TULP3: variants seen among roughly 807,000 people sequenced by gnomAD.
The protein encoded by TULP3 is tubby-related protein 3.
TULP3 carries 38 observed loss-of-function variants against 50.7 expected under a neutral mutation model. The observed-to-expected ratio is 0.75, with a 90% CI of 0.58 to 0.98. TULP3 has a LOEUF of 0.98. Ranked by LOEUF, TULP3 falls within the 50% of genes least tolerant of loss-of-function variation. TULP3 has a pLI of 0.00. For missense variants in TULP3, 550 were observed against 568.0 expected (o/e 0.97, Z 0.32); for synonymous variants, 183 against 196.6 (o/e 0.93, Z 0.58).
At chr12:2,917,226 C>T (rs2098189125) in intron 2 of TULP3, among the ~76,000 whole-genome samples, 1 of 152,106 alleles carries the variant, frequency 6.6e-6, no homozygotes, top group Non-Finnish European at 1.5e-5. Flanking sequence ...AATTAGAAGG[C>T]TTATTGGTGA....
At chr12:2,911,237 CAT>C (rs748318524) in intron 2 of TULP3, among the ~76,000 whole-genome samples, 2 of 151,970 alleles carry the variant, frequency 1.3e-5, no homozygotes, top group Non-Finnish European at 2.9e-5. Context: ...GTAATAAAAA[CAT>C]AAGAATTCAA....
At chr12:2,928,204 T>G (rs2098195730) in intron 4 of TULP3, among the ~76,000 whole-genome samples, 1 of 152,236 alleles carries the variant, frequency 6.6e-6, no homozygotes, top group South Asian at 2.1e-4. Flanking sequence ...CAAACATTCC[T>G]AGTTAGATTT....
chr12:2,892,398 A>G (rs943078235), intron 1 of TULP3, among the ~76,000 whole-genome samples: 1 of 152,126 alleles, frequency 6.6e-6, no homozygotes, highest in African/African-American at 2.4e-5. Context: ...TTTTAATTCC[A>G]TGAATTTAAA....
intron 1 of TULP3, among the ~76,000 whole-genome samples, chr12:2,900,914 T>C (rs1266856251): frequency 6.7e-6 from 1 of 149,104 alleles, no homozygotes; most frequent in Non-Finnish European, 1.5e-5. Flanking sequence ...GGTTTCACCA[T>C]GTTGCCCAGG....
In TULP3 at chr12:2,933,544, T is replaced by C; in HGVS notation, c.809+14T>C. 6.6e-7 allele frequency: 1 copy of C among 1,505,492 alleles called. No individual in the cohort carries two copies. The highest frequency in any genetic ancestry group is 9.2e-7 in the Non-Finnish European group (1 of 1,081,768). 93.3% of individuals were successfully genotyped at this position (1,505,492 alleles called of 1,614,324 possible). A position where few individuals can be genotyped will look rare whatever the true frequency, so the allele number is the denominator to read the frequency against. On this transcript the variant is annotated intron_variant, in intron 7 of 10. Coordinates refer to ENST00000448120, the MANE Select transcript of TULP3 (RefSeq NM_003324.5). The stretch of plus-strand genomic sequence containing the variant: ...CGGCAAGCTTAGGTGAAAGCAACCT[T>C]AGATCACTGTCCTATTCTTTCTGAT...
Position 2,936,860 on chromosome 12 carries a change from C to G in TULP3, c.925-771C>G, listed in dbSNP as rs139985673. ...CAGTGGCTCACGCCTGTAATCCCAG[C>G]ACTTTGGGAGGCTGAGGCAGGCAGA... is the stretch of plus-strand genomic sequence containing the variant. On this transcript the variant is annotated intron_variant, in intron 8 of 10. Coordinates refer to ENST00000448120, the MANE Select transcript of TULP3 (RefSeq NM_003324.5). 2.7e-3 allele frequency among the ~76,000 whole-genome samples: 411 copies of G among 152,144 alleles called. 2 individuals are homozygous for G. The highest frequency in any genetic ancestry group is 8.8e-3 in the African/African-American group (365 of 41,522).
intron 6 of TULP3, among the ~76,000 whole-genome samples, chr12:2,932,023 C>T (rs2098198363): frequency 6.6e-6 from 1 of 152,136 alleles, no homozygotes; most frequent in African/African-American, 2.4e-5. Context: ...CTAAAGTCTT[C>T]CTGCTTAGCC....
chr12:2,900,086 G>A (rs1028355295), intron 1 of TULP3, among the ~76,000 whole-genome samples: 2 of 151,842 alleles, frequency 1.3e-5, no homozygotes, highest in Non-Finnish European at 2.9e-5. Flanking sequence ...TTAACCAGGC[G>A]TGGTCGCACT....
intron 4 of TULP3, 55 bp from the exon 5 acceptor site, chr12:2,930,193 A>G: frequency 8.1e-7 from 1 of 1,233,870 alleles, no homozygotes; most frequent in Non-Finnish European, 1.2e-6. Flanking sequence ...TCTTTGTTTC[A>G]AAGACCTTTT....
At chr12:2,898,396 C>G (rs2098176814) in intron 1 of TULP3, among the ~76,000 whole-genome samples, 1 of 152,090 alleles carries the variant, frequency 6.6e-6, no homozygotes, top group South Asian at 2.1e-4. Context: ...AACTGCTGGA[C>G]TTAAGCCATC....
chr12:2,923,544 T>G (rs376370926), intron 4 of TULP3, among the ~76,000 whole-genome samples: 90 of 150,374 alleles, frequency 6.0e-4, no homozygotes, highest in Middle Eastern at 6.9e-3. Context: ...CCAGCTACTC[T>G]GGAGGCTGAG....
intron 1 of TULP3, among the ~76,000 whole-genome samples, chr12:2,897,590 G>A (rs564201854): frequency 6.6e-6 from 1 of 151,060 alleles, no homozygotes. Flanking sequence ...GGGCAACATA[G>A]TGAGACCCCC....
intron 2 of TULP3, among the ~76,000 whole-genome samples, chr12:2,918,889 A>T (rs994329945): frequency 7.0e-6 from 1 of 142,066 alleles, no homozygotes; most frequent in African/African-American, 2.6e-5. Context: ...TGCTAGAAGA[A>T]TTTTTTTTTT....
intron 5 of TULP3, 59 bp downstream of exon 5, chr12:2,930,404 T>G (rs2098197280): frequency 1.9e-6 from 2 of 1,078,780 alleles, no homozygotes; most frequent in Non-Finnish European, 2.7e-6. Flanking sequence ...CAAACATATC[T>G]TCAGTATTTA....
At chr12:2,914,709 T>G (rs1338784685) in intron 2 of TULP3, among the ~76,000 whole-genome samples, 1 of 152,064 alleles carries the variant, frequency 6.6e-6, no homozygotes, top group Admixed American at 6.6e-5. Context: ...CTTGGCTCAC[T>G]GCAACCTCTG....
rs564038414 is a variant in TULP3 at position 2,928,317 on chromosome 12, G to A, written c.395-1931G>A. On this transcript the variant is annotated intron_variant, in intron 4 of 10. Transcript: ENST00000448120. The stretch of plus-strand genomic sequence containing the variant: ...AGGCTTAGGCGGACAGATCACCTGA[G>A]GTTGGGAGTTCGAGGCCAGCCTGAC... Among the ~76,000 whole-genome samples, 4 of 152,258 alleles carry A rather than the reference G, an allele frequency of 2.6e-5. No homozygotes were observed. In the South Asian group the frequency reaches 8.3e-4, roughly 32 times the overall value.
intron 2 of TULP3, among the ~76,000 whole-genome samples, chr12:2,918,212 C>G (rs1042744599): frequency 6.6e-6 from 1 of 151,844 alleles, no homozygotes; most frequent in Non-Finnish European, 1.5e-5. Flanking sequence ...CTCCCAGGTT[C>G]AAGTGATTCT....
intron 1 of TULP3, 146 bp from the exon 2 acceptor site, chr12:2,909,383 G>T: frequency 1.5e-6 from 1 of 669,010 alleles, no homozygotes; most frequent in Admixed American, 3.4e-5. Flanking sequence ...CCTGTAGCCA[G>T]TGTGGGTAGC....
rs771074689 is a variant in TULP3 at position 2,937,200 on chromosome 12, A to ATTTTTTTTTTT, written c.925-410_925-400dup. ...AATAAAATTATTTTTGGTACACCTG[A>ATTTTTTTTTTT]TTTTTTTTTTTTTTTTTTTTTTTTT... is the stretch of plus-strand genomic sequence containing the variant. On this transcript the variant is annotated intron_variant, in intron 8 of 10. Transcript: ENST00000448120. Among the ~76,000 whole-genome samples the ATTTTTTTTTTT allele has an allele frequency of 1.3e-4, 7 of 54,468 alleles. 1 individual carries two copies. Among genetic ancestry groups the ATTTTTTTTTTT allele is most frequent in the Non-Finnish European group, 1.5e-4 (5 of 32,478 alleles). The allele number at this position is 54,468 out of a possible 152,430, so 35.7% of individuals were successfully genotyped here.
Sources: gnomAD v4.1 joint callset for allele counts (sites outside exome capture counted in the v4.1 genomes callset) on GRCh38, gnomAD v4.1.1 for gene constraint, MANE v1.5 for transcripts, NCBI Gene and HGNC (gene_info 2026-07-23, HGNC 2026-07-21) for gene names.